The following UNC13C variants were observed in gnomAD, a reference collection of about 807,000 sequenced individuals.
The protein encoded by UNC13C is unc-13 homolog C.
In UNC13C, 174 loss-of-function variants were observed where a neutral mutation model predicts 245.4. The observed-to-expected ratio is 0.71, with a 90% CI of 0.63 to 0.80. The LOEUF is 0.80. Among genes scored for constraint, UNC13C ranks in the 30% least tolerant of loss-of-function variants. The pLI, the probability that UNC13C is intolerant of heterozygous loss-of-function variation, is 0.00. For missense variants in UNC13C, 2,829 were observed against 2,602.9 expected (o/e 1.09, Z -1.89); for synonymous variants, 992 against 895.1 (o/e 1.11, Z -1.93).
chr15:54,349,220 A>G (rs1428168601), intron 17 of UNC13C, among the ~76,000 whole-genome samples: 3 of 150,984 alleles, frequency 2.0e-5, no homozygotes, highest in Admixed American at 1.3e-4. Flanking sequence ...TAGTATATAA[A>G]ATTTTACTTG....
At position 54,451,110 on chromosome 15, in the gene UNC13C, T is replaced by A. The variant is rs1031952740; in HGVS notation, c.4933+36043T>A. ...TGTTATTTTGTTAAATAGAGTTTTT[T>A]AAATATTTTTTCCTCTCCTTCTGGG... On this transcript the variant is annotated intron_variant, in intron 19 of 32. Transcript: ENST00000260323. 5.9e-5 allele frequency among the ~76,000 whole-genome samples: 9 copies of A among 152,314 alleles called. 1 individual carries two copies. The highest frequency in any genetic ancestry group is 1.3e-4 in the Admixed American group (2 of 15,308).
At chr15:54,562,528 A>T (rs1024102405) in intron 29 of UNC13C, among the ~76,000 whole-genome samples, 2 of 152,004 alleles carry the variant, frequency 1.3e-5, no homozygotes, top group African/African-American at 4.8e-5. Context: ...AATAGCAGCC[A>T]GTGACGGGAC....
At chr15:53,884,072 C>A in the UNC13C span, among the ~76,000 whole-genome samples, 2 of 151,588 alleles carry the variant, frequency 1.3e-5, no homozygotes, top group African/African-American at 4.8e-5. Flanking sequence ...AGTTAGGGTG[C>A]CCACGAGACC....
chr15:53,962,582 A>G, the UNC13C span, among the ~76,000 whole-genome samples: 3 of 152,194 alleles, frequency 2.0e-5, no homozygotes, highest in Admixed American at 6.5e-5. Flanking sequence ...GCCCTAATAG[A>G]TGCTGTACCA....
chr15:53,903,752 AAGTCT>A, the UNC13C span, among the ~76,000 whole-genome samples: 1 of 152,188 alleles, frequency 6.6e-6, no homozygotes, highest in African/African-American at 2.4e-5. Flanking sequence ...GGCTGTGTTC[AAGTCT>A]AGGTTGGACA....
chr15:54,338,579 T>C, intron 17 of UNC13C, 90 bp downstream of exon 17: 1 of 1,419,292 alleles, frequency 7.0e-7, no homozygotes, highest in Non-Finnish European at 9.6e-7. Flanking sequence ...TAGAAAAGTA[T>C]GTTCATTTAA....
At chr15:53,866,245 A>G in the UNC13C span, among the ~76,000 whole-genome samples, 4 of 152,236 alleles carry the variant, frequency 2.6e-5, no homozygotes, top group Non-Finnish European at 5.9e-5. Context: ...AAGTTTTGAA[A>G]GATTTAAAAT....
At chr15:53,921,896 C>T in the UNC13C span, among the ~76,000 whole-genome samples, 1 of 152,254 alleles carries the variant, frequency 6.6e-6, no homozygotes, top group Non-Finnish European at 1.5e-5. Flanking sequence ...ATGAAAAAAG[C>T]ATGTGTGTCA....
chr15:53,997,184 TA>T (rs1894673662), intron 1 of UNC13C, among the ~76,000 whole-genome samples: 1 of 152,220 alleles, frequency 6.6e-6, no homozygotes, highest in South Asian at 2.1e-4. Flanking sequence ...AGTACAGTTT[TA>T]TGTGCTTATT....
chr15:54,558,607 T>C (rs1033732627), intron 29 of UNC13C, among the ~76,000 whole-genome samples: 29 of 152,038 alleles, frequency 1.9e-4, no homozygotes, highest in Non-Finnish European at 4.3e-4. Flanking sequence ...ATATTAAAAC[T>C]TTAATTGGAC....
At chr15:54,614,574 T>C (rs942064921) in intron 30 of UNC13C, among the ~76,000 whole-genome samples, 2 of 152,032 alleles carry the variant, frequency 1.3e-5, no homozygotes, top group Non-Finnish European at 2.9e-5. Flanking sequence ...TTCTGGGCTT[T>C]TGAAGTTTTG....
the UNC13C span, among the ~76,000 whole-genome samples, chr15:53,902,163 T>C: frequency 6.6e-6 from 1 of 152,170 alleles, no homozygotes; most frequent in Non-Finnish European, 1.5e-5. Flanking sequence ...TTAAATTTGT[T>C]TCATGAAAAA....
the UNC13C span, among the ~76,000 whole-genome samples, chr15:53,970,813 C>T: frequency 6.6e-6 from 1 of 152,152 alleles, no homozygotes; most frequent in East Asian, 1.9e-4. Context: ...GCATACCCCA[C>T]ACATGGATGC....
chr15:53,884,203 G>A, the UNC13C span, among the ~76,000 whole-genome samples: 1 of 152,180 alleles, frequency 6.6e-6, no homozygotes, highest in Non-Finnish European at 1.5e-5. Flanking sequence ...GGGAAACTGT[G>A]GAGCAGGAAG....
intron 17 of UNC13C, among the ~76,000 whole-genome samples, chr15:54,367,303 T>G (rs1442502622): frequency 1.3e-5 from 2 of 152,144 alleles, no homozygotes; most frequent in African/African-American, 2.4e-5. Context: ...GCAACTATAT[T>G]TACATTTTCC....
At chr15:54,021,429 T>C (rs1233673920) in intron 2 of UNC13C, among the ~76,000 whole-genome samples, 1 of 152,234 alleles carries the variant, frequency 6.6e-6, no homozygotes, top group African/African-American at 2.4e-5. Flanking sequence ...CCACATATAA[T>C]TGAGATCATA....
chr15:54,327,473 C>T (rs1034417798), intron 14 of UNC13C, among the ~76,000 whole-genome samples: 2 of 151,756 alleles, frequency 1.3e-5, no homozygotes, highest in African/African-American at 2.4e-5. Context: ...ATGCCACATG[C>T]GTTTTAGTGA....
chr15:54,267,936 T>TTTTC (rs1240467629), intron 10 of UNC13C, among the ~76,000 whole-genome samples: 3 of 151,956 alleles, frequency 2.0e-5, no homozygotes, highest in Admixed American at 6.6e-5. Flanking sequence ...CTCTGAGGAC[T>TTTTC]TTTCTTTCTT....
intron 17 of UNC13C, among the ~76,000 whole-genome samples, chr15:54,345,127 G>C (rs923157790): frequency 3.3e-5 from 5 of 152,174 alleles, no homozygotes; most frequent in African/African-American, 1.2e-4. Context: ...CATGTGACTG[G>C]AGAGCCAATG....
Sources: gnomAD v4.1 joint callset for allele counts (sites outside exome capture counted in the v4.1 genomes callset) on GRCh38, gnomAD v4.1.1 for gene constraint, MANE v1.5 for transcripts, NCBI Gene and HGNC (gene_info 2026-07-23, HGNC 2026-07-21) for gene names.